The following TUBGCP4 variants were observed in gnomAD, a reference collection of about 807,000 sequenced individuals.
TUBGCP4 encodes gamma-tubulin complex component 4.
Under a neutral mutation model 91.6 loss-of-function variants are expected in TUBGCP4, and 54 were observed. The observed-to-expected ratio is 0.59, with a 90% CI of 0.47 to 0.74. The LOEUF is 0.74. Among genes scored for constraint, TUBGCP4 ranks in the 30% least tolerant of loss-of-function variants. The pLI is 0.00. For missense variants in TUBGCP4, 593 were observed against 800.9 expected, an observed-to-expected ratio of 0.74 and a Z score of 3.13; for synonymous variants, 297 against 302.8, an observed-to-expected ratio of 0.98 and a Z score of 0.20.
In TUBGCP4 at chr15:43,371,385, G is replaced by T. The variant is rs1329116285; in HGVS notation, c.31G>T (p.Gly11Trp). MIHELLLALS[G>W]YPGSIFTWNK... ...CCACGAACTGCTCTTGGCTCTGAGC[G>T]GGTACCCTGGGTCCATTTTCACCTG... Residue 11 changes from glycine (G) to tryptophan (W), a missense_variant, in exon 1 of 18, where the codon GGG (glycine) becomes TGG (tryptophan). Coordinates refer to ENST00000564079, the MANE Select transcript of TUBGCP4 (RefSeq NM_014444.5). 1 of 1,613,992 alleles carries T rather than the reference G, an allele frequency of 6.2e-7. No homozygotes were observed. Among genetic ancestry groups the T allele is most frequent in the Non-Finnish European group, 8.5e-7 (1 of 1,180,010 alleles).
rs1444074171 is a variant in TUBGCP4, at chr15:43,385,543, CAGT to C, written c.724-243_724-241del. 22 of 527,402 alleles carry C rather than the reference CAGT, an allele frequency of 4.2e-5. No individual in the cohort carries two copies. The East Asian group carries it at 8.2e-4, about 20-fold the overall frequency. The allele number at this position is 527,402 out of a possible 1,614,324, so 32.7% of individuals were successfully genotyped here. ...CTGGTCGACTGTGCAAGTTTTTACT[CAGT>C]AGTAAAGGCAGAGTGAGGGCCCAAA... On this transcript the variant is annotated intron_variant, in intron 7 of 17. Transcript: ENST00000564079.
rs1222651230 is a variant in TUBGCP4 at position 43,409,744 on chromosome 15, A to G, written c.*4530A>G. The G allele has an allele frequency of 6.9e-6, 10 of 1,452,198 alleles. No homozygotes were observed. Among genetic ancestry groups the G allele is most frequent in the Non-Finnish European group, 9.3e-6 (10 of 1,071,208 alleles). 90.0% of individuals were successfully genotyped at this position (1,452,198 alleles called of 1,614,324 possible). On this transcript the variant is annotated 3_prime_UTR_variant, in exon 18 of 18. Coordinates refer to ENST00000564079, the MANE Select transcript of TUBGCP4 (RefSeq NM_014444.5). ...GAAAGGAGGAATTTCCAAAAATTCT[A>G]TATTAAAAAAAAAAACCAAGATAAT...
Position 43,400,142 on chromosome 15 carries a change from C to A in TUBGCP4, c.1517C>A (p.Ser506Ter). ...ALQMQRKHLK[S>*]NQTDAIKWRL... ...CAAATGCAGCGCAAGCACCTCAAGTCGAACCAGACTGATGCAATCAAGTGG... is the reference window on the plus strand; with the variant it reads ...CAAATGCAGCGCAAGCACCTCAAGTAGAACCAGACTGATGCAATCAAGTGG... Residue 506 changes from serine (S) to a stop codon, truncating the protein, a stop_gained, in exon 14 of 18, where the codon TCG becomes TAG. Transcript: ENST00000564079. LOFTEE classifies it high-confidence loss of function. 6.2e-7 allele frequency: 1 copy of A among 1,614,160 alleles called. No homozygotes were observed. The highest frequency in any genetic ancestry group is 8.5e-7 in the Non-Finnish European group (1 of 1,180,024).
chr15:43,401,928 C>G (rs977436455), intron 15 of TUBGCP4, 78 bp downstream of exon 15: 3 of 1,526,772 alleles, frequency 2.0e-6, no homozygotes, highest in Non-Finnish European at 2.7e-6. Flanking sequence ...TGACAGGATA[C>G]GAAACCATCA....
chr15:43,371,170 C>T lies in TUBGCP4; in HGVS notation c.-185C>T. ...AGCTGCCGAACTTCCGGGACTCCCC[C>T]GCGACCCCTTCCCAGCTTCCCGTCC... is the stretch of plus-strand genomic sequence containing the variant. On this transcript the variant is annotated 5_prime_UTR_variant, in exon 1 of 18. Transcript: ENST00000564079. The T allele has an allele frequency of 4.7e-6, 3 of 641,360 alleles. No individual in the cohort carries two copies. The South Asian group carries it at 5.3e-5, about 11-fold the overall frequency. The allele number at this position is 641,360 out of a possible 1,614,324, so 39.7% of individuals were successfully genotyped here. A position where few individuals can be genotyped will look rare whatever the true frequency, so the allele number is the denominator to read the frequency against.
intron 9 of TUBGCP4, among the ~76,000 whole-genome samples, chr15:43,386,861 C>T (rs1483911970): frequency 6.6e-6 from 1 of 151,994 alleles, no homozygotes; most frequent in Non-Finnish European, 1.5e-5. Flanking sequence ...AAAGAAAAGC[C>T]TCTGTTTTCA....
intron 14 of TUBGCP4, among the ~76,000 whole-genome samples, 164 bp from the exon 15 acceptor site, chr15:43,401,552 C>A (rs563625637): frequency 7.9e-5 from 12 of 152,018 alleles, no homozygotes; most frequent in African/African-American, 2.9e-4. Context: ...TAACTTCCTA[C>A]AAGGCTGGGC....
chr15:43,380,946 A>C (rs1176101643), intron 6 of TUBGCP4, among the ~76,000 whole-genome samples: 1 of 152,058 alleles, frequency 6.6e-6, no homozygotes, highest in African/African-American at 2.4e-5. Context: ...GCCACTCACA[A>C]CTCTGTTTTG....
chr15:43,387,618 T>C (rs1342448424), intron 9 of TUBGCP4, among the ~76,000 whole-genome samples: 3 of 151,952 alleles, frequency 2.0e-5, no homozygotes, highest in Non-Finnish European at 2.9e-5. Context: ...CACATCACCA[T>C]GCCCAGCTAA....
intron 9 of TUBGCP4, among the ~76,000 whole-genome samples, chr15:43,387,384 C>T (rs2044392997): frequency 6.6e-6 from 1 of 152,228 alleles, no homozygotes; most frequent in Admixed American, 6.5e-5. Context: ...CGAAATGAGA[C>T]ATTTAGTCAG....
In TUBGCP4 at chr15:43,407,284, C is replaced by T; in HGVS notation, c.*2070C>T. ...CAGCAAATAAAACTATATACAAGAT[C>T]CATGCAAGGAATCCAGTTACACACA... On this transcript the variant is annotated 3_prime_UTR_variant, in exon 18 of 18. Transcript: ENST00000564079. 1.0e-6 allele frequency: 1 copy of T among 975,702 alleles called. No homozygotes were observed. The highest frequency in any genetic ancestry group is 2.4e-5 in the East Asian group (1 of 41,038). The allele number at this position is 975,702 out of a possible 1,614,324, so 60.4% of individuals were successfully genotyped here.
intron 15 of TUBGCP4, 185 bp from the exon 16 acceptor site, chr15:43,403,498 T>A: frequency 1.8e-6 from 1 of 548,340 alleles, no homozygotes; most frequent in Non-Finnish European, 3.3e-6. Context: ...AAAGGATGCA[T>A]TTGTTTTACG....
intron 9 of TUBGCP4, among the ~76,000 whole-genome samples, chr15:43,393,058 C>T (rs113260097): frequency 6.5e-4 from 99 of 152,242 alleles, no homozygotes; most frequent in African/African-American, 2.3e-3. Context: ...AGGAGGAGAC[C>T]AGGCTTCTTT....
intron 1 of TUBGCP4, 40 bp downstream of exon 1, chr15:43,371,472 G>GA (rs2044119814): frequency 6.2e-7 from 1 of 1,606,896 alleles, no homozygotes; most frequent in African/African-American, 1.3e-5. Context: ...GGGAGCGCAG[G>GA]AGGGGGGACC....
chr15:43,388,743 C>G (rs2044421659), intron 9 of TUBGCP4, among the ~76,000 whole-genome samples: 3 of 152,138 alleles, frequency 2.0e-5, no homozygotes. Context: ...AACTAAAGCA[C>G]AGACTCTTTG....
rs751830186 is a variant in TUBGCP4 at position 43,407,401 on chromosome 15, G to A, written c.*2187G>A. ...AGTATCTTTAGTGAGAAACATAATCGTGTTTATATTTTGGATGCTGCTTGA... is the reference window on the plus strand; with the variant it reads ...AGTATCTTTAGTGAGAAACATAATCATGTTTATATTTTGGATGCTGCTTGA... On this transcript the variant is annotated 3_prime_UTR_variant, in exon 18 of 18. Transcript: ENST00000564079. The A allele has an allele frequency of 6.8e-6, 11 of 1,613,956 alleles. No individual in the cohort carries two copies. The highest frequency in any genetic ancestry group is 1.6e-4 in the Middle Eastern group (1 of 6,084).
chr15:43,407,703 A>G lies in TUBGCP4; in HGVS notation c.*2489A>G, dbSNP rs1440445231. ...GCCCTATTATGTCAAACACACTGCT[A>G]CTGATCATGACCAAAGGCAGAGTTA... On this transcript the variant is annotated 3_prime_UTR_variant, in exon 18 of 18. Transcript: ENST00000564079. 2 of 874,994 alleles carry G rather than the reference A, an allele frequency of 2.3e-6. No individual in the cohort carries two copies. Among genetic ancestry groups the G allele is most frequent in the Admixed American group, 2.9e-5 (1 of 34,614 alleles). 54.2% of individuals were successfully genotyped at this position (874,994 alleles called of 1,614,324 possible).
At chr15:43,397,967 C>T in intron 12 of TUBGCP4, 74 bp from the exon 13 acceptor site, 3 of 1,457,278 alleles carry the variant, frequency 2.1e-6, no homozygotes, top group Admixed American at 4.2e-5. Flanking sequence ...TAATGTTATT[C>T]ACTTGTTGAG....
At chr15:43,385,488 A>G (rs1457615530) in intron 7 of TUBGCP4, 2 of 477,656 alleles carry the variant, frequency 4.2e-6, no homozygotes, top group Non-Finnish European at 8.0e-6. Flanking sequence ...AACAAAAAAG[A>G]CCACCTCTTT....
Sources: gnomAD v4.1 joint callset for allele counts (sites outside exome capture counted in the v4.1 genomes callset) on GRCh38, gnomAD v4.1.1 for gene constraint, MANE v1.5 for transcripts, NCBI Gene and HGNC (gene_info 2026-07-23, HGNC 2026-07-21) for gene names.